Variants in CRPPA observed in about 807,000 individuals in gnomAD.
CRPPA encodes CDP-L-ribitol pyrophosphorylase A, also known as D-ribitol-5-phosphate cytidylyltransferase.
Under a neutral mutation model 52.0 loss-of-function variants are expected in CRPPA, and 43 were observed. That is an observed-to-expected ratio of 0.83 (90% CI 0.65 to 1.07). The LOEUF (loss-of-function observed/expected upper bound fraction) is 1.07, where lower values mean the gene tolerates loss of function less well. Ranked by LOEUF, CRPPA falls within the 50% of genes least tolerant of loss-of-function variation. The pLI, the probability that CRPPA is intolerant of heterozygous loss-of-function variation, is 0.00. For synonymous variants in CRPPA, 250 were observed against 203.5 expected (o/e 1.23, Z -1.94); for missense variants, 629 against 551.7 (o/e 1.14, Z -1.40).
chr7:16,297,580 T>A (rs1784700898), intron 5 of CRPPA, among the ~76,000 whole-genome samples: 1 of 152,188 alleles, frequency 6.6e-6, no homozygotes, highest in South Asian at 2.1e-4. Context: ...CTTCATTGAA[T>A]CACAATCTAA....
chr7:16,266,637 CCTGA>C (rs1302403137), intron 6 of CRPPA, among the ~76,000 whole-genome samples: 1 of 151,992 alleles, frequency 6.6e-6, no homozygotes, highest in Admixed American at 6.6e-5. Flanking sequence ...CACCACCACG[CCTGA>C]CTAATTTTTG....
intron 9 of CRPPA, among the ~76,000 whole-genome samples, chr7:16,152,565 A>C (rs1225197871): frequency 6.6e-6 from 1 of 152,024 alleles, no homozygotes; most frequent in Non-Finnish European, 1.5e-5. Flanking sequence ...TTATAAAATG[A>C]ATTAGTATTA....
At chr7:16,342,127 G>A (rs1354147953) in intron 3 of CRPPA, among the ~76,000 whole-genome samples, 1 of 152,034 alleles carries the variant, frequency 6.6e-6, no homozygotes, top group Non-Finnish European at 1.5e-5. Flanking sequence ...TAACATCTAG[G>A]TATTAATAAT....
intron 9 of CRPPA, among the ~76,000 whole-genome samples, chr7:16,160,757 T>C (rs906160798): frequency 6.6e-6 from 1 of 152,236 alleles, no homozygotes; most frequent in Non-Finnish European, 1.5e-5. Flanking sequence ...CTTTGCGCAG[T>C]ATGGCCATTT....
At chr7:16,268,973 G>A (rs1306727424) in intron 6 of CRPPA, 1 of 152,096 alleles carries the variant, frequency 6.6e-6, no homozygotes, top group Non-Finnish European at 1.5e-5. Flanking sequence ...TTTTCTTCTG[G>A]TTAGAAAATC....
At chr7:16,371,448 T>C (rs1280108989) in intron 3 of CRPPA, among the ~76,000 whole-genome samples, 2 of 151,884 alleles carry the variant, frequency 1.3e-5, no homozygotes, top group Non-Finnish European at 2.9e-5. Context: ...CAGGAACTCA[T>C]GCAGCATCTT....
At chr7:16,208,955 T>A (rs947819785) in intron 9 of CRPPA, 12 of 412,088 alleles carry the variant, frequency 2.9e-5, no homozygotes, top group African/African-American at 2.4e-4. Context: ...GTGGTGAACA[T>A]TCCTAAAATC....
At chr7:16,294,849 T>C (rs2128421404) in intron 5 of CRPPA, among the ~76,000 whole-genome samples, 1 of 152,122 alleles carries the variant, frequency 6.6e-6, no homozygotes, top group South Asian at 2.1e-4. Context: ...TGTTGTCTGG[T>C]CACAGATGTG....
chr7:16,120,881 G>T (rs1340928190), intron 9 of CRPPA, among the ~76,000 whole-genome samples: 1 of 152,092 alleles, frequency 6.6e-6, no homozygotes. Flanking sequence ...ATTATTTAAA[G>T]TGTATCACAG....
chr7:16,177,576 C>G lies in CRPPA; in HGVS notation c.1251+38490G>C, dbSNP rs926771303. On this transcript the variant is annotated intron_variant, in intron 9 of 9. Transcript: ENST00000407010. ...AACATACGTATATGTTTCTACCAAACACTATACAAAACTAAAAAGTTTGAA... is the reference window on the plus strand; with the variant it reads ...AACATACGTATATGTTTCTACCAAAGACTATACAAAACTAAAAAGTTTGAA... 1.2e-4 allele frequency among the ~76,000 whole-genome samples: 18 copies of G among 152,022 alleles called. No individual in the cohort carries two copies. The East Asian group carries it at 3.5e-3, about 29-fold the overall frequency.
At chr7:16,231,080 T>C (rs1446747131) in intron 8 of CRPPA, among the ~76,000 whole-genome samples, 4 of 152,170 alleles carry the variant, frequency 2.6e-5, no homozygotes, top group South Asian at 4.1e-4. Flanking sequence ...TTGAGTATTA[T>C]TGTGGTGGGC....
intron 6 of CRPPA, among the ~76,000 whole-genome samples, chr7:16,271,081 A>T (rs891001199): frequency 2.6e-5 from 4 of 152,066 alleles, no homozygotes; most frequent in African/African-American, 9.7e-5. Context: ...TTTCAGTTAC[A>T]CCCTGCTTGT....
At chr7:16,272,573 T>C (rs1393756754) in intron 6 of CRPPA, among the ~76,000 whole-genome samples, 1 of 152,142 alleles carries the variant, frequency 6.6e-6, no homozygotes, top group Admixed American at 6.5e-5. Flanking sequence ...GAGGTGAAAA[T>C]GTTAGAATAC....
chr7:16,398,691 C>T (rs568246955), intron 2 of CRPPA, among the ~76,000 whole-genome samples: 54 of 152,190 alleles, frequency 3.5e-4, no homozygotes, highest in Admixed American at 9.8e-4. Context: ...GTGACTGACA[C>T]GATTGGCATC....
chr7:16,177,763 C>T (rs532350926), intron 9 of CRPPA, among the ~76,000 whole-genome samples: 47 of 151,944 alleles, frequency 3.1e-4, no homozygotes, highest in Admixed American at 5.9e-4. Context: ...TCTTTTTAAA[C>T]GGAAGTACAC....
intron 9 of CRPPA, among the ~76,000 whole-genome samples, chr7:16,150,615 G>GT (rs1162442376): frequency 6.6e-6 from 1 of 152,118 alleles, no homozygotes; most frequent in East Asian, 1.9e-4. Flanking sequence ...GAAAAAATGA[G>GT]TAAGAGTTAA....
At chr7:16,195,803 C>A (rs1781718123) in intron 9 of CRPPA, among the ~76,000 whole-genome samples, 1 of 152,096 alleles carries the variant, frequency 6.6e-6, no homozygotes, top group Non-Finnish European at 1.5e-5. Flanking sequence ...CCATTTCTTG[C>A]TCTGCACTCA....
chr7:16,385,086 T>C (rs1787221678), intron 2 of CRPPA, among the ~76,000 whole-genome samples: 1 of 151,960 alleles, frequency 6.6e-6, no homozygotes, highest in African/African-American at 2.4e-5. Context: ...ATCAATGAAC[T>C]TACACTTAGA....
chr7:16,158,914 T>G, intron 9 of CRPPA, among the ~76,000 whole-genome samples: 1 of 152,164 alleles, frequency 6.6e-6, no homozygotes, highest in East Asian at 1.9e-4. Context: ...GCAAGAATTA[T>G]GTGACTAACT....
Sources: allele counts gnomAD v4.1 joint callset (sites outside exome capture counted in the v4.1 genomes callset), GRCh38; gene constraint gnomAD v4.1.1; transcripts MANE v1.5; gene names NCBI Gene and HGNC (gene_info 2026-07-23, HGNC 2026-07-21).